The following PDZD2 variants were observed in gnomAD, a reference collection of about 807,000 sequenced individuals.
The protein encoded by PDZD2 is PDZ domain-containing protein 2.
PDZD2 carries 90 observed loss-of-function variants against 220.7 expected under a neutral mutation model. The observed-to-expected ratio is 0.41, with a 90% CI of 0.34 to 0.49. The LOEUF (loss-of-function observed/expected upper bound fraction) is 0.49, where lower values mean the gene tolerates loss of function less well. Ranked by LOEUF, PDZD2 falls within the 20% of genes least tolerant of loss-of-function variation. The pLI is 0.28. For synonymous variants in PDZD2, 1,375 were observed against 1,450.5 expected (o/e 0.95, Z 1.18); for missense variants, 3,174 against 3,608.5 (o/e 0.88, Z 3.08).
intron 1 of PDZD2, among the ~76,000 whole-genome samples, chr5:31,777,954 C>G (rs1752806586): frequency 6.6e-6 from 1 of 152,192 alleles, no homozygotes; most frequent in African/African-American, 2.4e-5. Context: ...CTGGTGGGGA[C>G]TTGGAGAACT....
chr5:31,750,618 T>A (rs1750897709), intron 1 of PDZD2, among the ~76,000 whole-genome samples: 1 of 151,958 alleles, frequency 6.6e-6, no homozygotes, highest in Non-Finnish European at 1.5e-5. Context: ...TTTGGGAAGG[T>A]CCGAGTGGGT....
chr5:31,749,542 G>C (rs1750810418), intron 1 of PDZD2, among the ~76,000 whole-genome samples: 1 of 151,776 alleles, frequency 6.6e-6, no homozygotes, highest in African/African-American at 2.4e-5. Context: ...TCCTGCCTCA[G>C]CTTCCCGAGT....
chr5:31,922,229 A>G (rs1256651780), intron 2 of PDZD2, among the ~76,000 whole-genome samples: 1 of 152,244 alleles, frequency 6.6e-6, no homozygotes, highest in East Asian at 1.9e-4. Context: ...CTACTACCAC[A>G]GAATGGACGT....
At position 32,088,121 on chromosome 5, in the gene PDZD2, C is replaced by A. The variant is rs1183077828; in HGVS notation, c.4673C>A (p.Ser1558Tyr). ...TCCATGTATGGCGATGCTGAGGATT[C>A]TTCTTCTGACCCTGAGTCACTCACT... ...LSSMYGDAED[S>Y]SSDPESLTEA... Residue 1558 changes from serine to tyrosine, a missense_variant, in exon 20 of 25, where the codon TCT becomes TAT. Transcript: ENST00000438447. This position sits in a 1 kb window ranked among gnomAD's most constrained non-coding sequence, Gnocchi z 4.6. 1.2e-6 allele frequency: 2 copies of A among 1,614,220 alleles called. No homozygotes were observed. Among genetic ancestry groups the A allele is most frequent in the South Asian group, 2.2e-5 (2 of 91,082 alleles).
chr5:31,644,880 G>C (rs1432790802), intron 1 of PDZD2, among the ~76,000 whole-genome samples: 3 of 152,304 alleles, frequency 2.0e-5, no homozygotes, highest in Non-Finnish European at 4.4e-5. Context: ...TTTATATACA[G>C]TGTTTCTGGG....
At chr5:31,771,662 G>A (rs766769328) in intron 1 of PDZD2, among the ~76,000 whole-genome samples, 15 of 152,214 alleles carry the variant, frequency 9.9e-5, no homozygotes, top group Non-Finnish European at 1.8e-4. Flanking sequence ...GCAAGAACAA[G>A]AACAGTGTGA....
rs746546563 is a variant in PDZD2, at chr5:32,052,688, A to G, written c.1743A>G (p.Pro581=). Residue 581 remains proline, a synonymous_variant, in exon 9 of 25, where the codon CCA becomes CCG. Transcript: ENST00000438447. ...QVESPWRLIR[P]SVISIIGLYK... ...AATCTCCTTGGAGGCTCATTCGGCC[A>G]TCCGTCATCTCGATCATTGGGTTGT... is the stretch of plus-strand genomic sequence containing the variant. 1.2e-6 allele frequency: 2 copies of G among 1,614,062 alleles called. No homozygotes were observed. Among genetic ancestry groups the G allele is most frequent in the Non-Finnish European group, 1.7e-6 (2 of 1,179,866 alleles).
intron 6 of PDZD2, among the ~76,000 whole-genome samples, chr5:32,015,979 A>G (rs1753755435): frequency 6.6e-6 from 1 of 152,252 alleles, no homozygotes; most frequent in African/African-American, 2.4e-5. Flanking sequence ...CAAGCAAATC[A>G]GTTCTAACAT....
chr5:31,810,245 TTC>T (rs58588697), intron 2 of PDZD2, among the ~76,000 whole-genome samples: 3,425 of 112,808 alleles, frequency 0.03, 138 homozygotes, highest in African/African-American at 0.1. Context: ...AAATGACTTT[TTC>T]TTTTCTTCTC....
chr5:31,680,275 C>T (rs116639462), intron 1 of PDZD2, among the ~76,000 whole-genome samples: 9 of 152,264 alleles, frequency 5.9e-5, no homozygotes, highest in Non-Finnish European at 1.0e-4. Context: ...TCTAAGCTTC[C>T]CTTCACAGAA....
chr5:31,685,016 G>C (rs1302309363), intron 1 of PDZD2, among the ~76,000 whole-genome samples: 18 of 152,142 alleles, frequency 1.2e-4, no homozygotes, highest in Admixed American at 1.2e-3. Flanking sequence ...AATAGTGCCT[G>C]GCACCTAGCA....
At chr5:31,862,227 C>T (rs2150313295) in intron 2 of PDZD2, among the ~76,000 whole-genome samples, 1 of 151,286 alleles carries the variant, frequency 6.6e-6, no homozygotes, top group African/African-American at 2.4e-5. Context: ...GCCTCAGCCT[C>T]CCAAGTAGCT....
chr5:31,681,986 A>G (rs1219180179), intron 1 of PDZD2, among the ~76,000 whole-genome samples: 2 of 152,252 alleles, frequency 1.3e-5, no homozygotes, highest in Non-Finnish European at 2.9e-5. Flanking sequence ...AATGCATAGT[A>G]TAGGACCAAA....
chr5:31,758,170 G>C (rs746276643), intron 1 of PDZD2, among the ~76,000 whole-genome samples: 7 of 152,182 alleles, frequency 4.6e-5, no homozygotes, highest in Non-Finnish European at 7.3e-5. Flanking sequence ...GACCGCACTG[G>C]ATTCTAAACT....
At chr5:31,797,386 T>G (rs1356444327) in intron 1 of PDZD2, among the ~76,000 whole-genome samples, 2 of 152,122 alleles carry the variant, frequency 1.3e-5, no homozygotes, top group East Asian at 3.9e-4. Context: ...GGTGCTGTGC[T>G]GGAGTAGTGA....
At chr5:31,923,782 T>C (rs1001830298) in intron 2 of PDZD2, among the ~76,000 whole-genome samples, 6 of 152,052 alleles carry the variant, frequency 3.9e-5, no homozygotes, top group Non-Finnish European at 8.8e-5. Flanking sequence ...TGGCATGGGG[T>C]ATTTGTTGAA....
In PDZD2 at chr5:31,740,397, C is replaced by T. The variant is rs575669112; in HGVS notation, c.-360-58492C>T. Among the ~76,000 whole-genome samples the T allele has an allele frequency of 4.0e-5, 6 of 151,436 alleles. No homozygotes were observed. In the East Asian group the frequency reaches 7.8e-4, roughly 20 times the overall value. ...AAAATTAGCTGGGCATGGTGGCAGG[C>T]GCCTGTAGTCCCAGCTACTCAGGAG... On this transcript the variant is annotated intron_variant, in intron 1 of 24. Coordinates refer to ENST00000438447, the MANE Select transcript of PDZD2 (RefSeq NM_178140.4).
intron 2 of PDZD2, among the ~76,000 whole-genome samples, chr5:31,895,372 A>T (rs918776264): frequency 3.2e-4 from 48 of 151,310 alleles, no homozygotes; most frequent in African/African-American, 1.0e-3. Flanking sequence ...CCTGAGAAAG[A>T]CTCCTTATCT....
intron 5 of PDZD2, among the ~76,000 whole-genome samples, chr5:32,002,861 CACCCCACAT>C (rs1752326656): frequency 7.3e-6 from 1 of 136,130 alleles, no homozygotes; most frequent in South Asian, 2.6e-4. Flanking sequence ...AACACACACA[CACCCCACAT>C]ACCACACACA....
Sources: gnomAD v4.1 joint callset for allele counts (sites outside exome capture counted in the v4.1 genomes callset) on GRCh38, gnomAD v4.1.1 for gene constraint, Gnocchi (gnomAD v3.1) non-coding constraint, MANE v1.5 for transcripts, NCBI Gene and HGNC (gene_info 2026-07-23, HGNC 2026-07-21) for gene names.